Variants in MTMR2 observed in about 807,000 individuals in gnomAD.
MTMR2 encodes phosphatidylinositol-3,5-bisphosphate 3-phosphatase MTMR2.
Under a neutral mutation model 86.9 loss-of-function variants are expected in MTMR2, and 55 were observed. The ratio of observed to expected loss-of-function variants is 0.63; its 90% CI spans 0.51 to 0.79. The LOEUF (loss-of-function observed/expected upper bound fraction) is 0.79. Among genes scored for constraint, MTMR2 ranks in the 30% least tolerant of loss-of-function variants. MTMR2 has a pLI of 0.00. For missense variants in MTMR2, 659 were observed against 772.3 expected (o/e 0.85, Z 1.74); for synonymous variants, 241 against 266.8 (o/e 0.90, Z 0.94).
intron 11 of MTMR2, among the ~76,000 whole-genome samples, chr11:95,842,440 G>T (rs1863585980): frequency 6.6e-6 from 1 of 152,142 alleles, no homozygotes; most frequent in Non-Finnish European, 1.5e-5. Context: ...GCACTAATGT[G>T]TCTTCATCAG....
intron 10 of MTMR2, among the ~76,000 whole-genome samples, chr11:95,845,768 T>G (rs1863761538): frequency 6.6e-6 from 1 of 151,894 alleles, no homozygotes; most frequent in African/African-American, 2.4e-5. Context: ...CTCTTATTTT[T>G]TTAAATATGC....
At chr11:95,909,876 G>C (rs580181) in intron 1 of MTMR2, among the ~76,000 whole-genome samples, 91,982 of 151,858 alleles carry the variant, frequency 0.61, 30,042 homozygotes, top group African/African-American at 0.87. Context: ...AATACAAGAA[G>C]AGAATAGGAA....
intron 2 of MTMR2, 48 bp downstream of exon 2, chr11:95,888,108 A>G (rs1865576557): frequency 1.5e-5 from 20 of 1,367,136 alleles, no homozygotes; most frequent in Non-Finnish European, 2.0e-5. Context: ...TTGGCCACAA[A>G]TATTTAACAG....
intron 9 of MTMR2, 109 bp downstream of exon 9, chr11:95,849,565 C>G: frequency 1.0e-6 from 1 of 994,812 alleles, no homozygotes; most frequent in Non-Finnish European, 1.6e-6. Context: ...AAGACAAGAA[C>G]CTATATGTTT....
chr11:95,860,666 A>G (rs1590995447), intron 5 of MTMR2, among the ~76,000 whole-genome samples: 1 of 152,224 alleles, frequency 6.6e-6, no homozygotes, highest in African/African-American at 2.4e-5. Flanking sequence ...TAGAATCTCA[A>G]TGTGCATGGG....
intron 1 of MTMR2, among the ~76,000 whole-genome samples, chr11:95,910,651 A>T (rs1866466192): frequency 6.6e-6 from 1 of 152,094 alleles, no homozygotes; most frequent in Non-Finnish European, 1.5e-5. Context: ...ATTTTTCTTC[A>T]ATATTCCGTA....
At chr11:95,874,387 G>C (rs557447958) in intron 2 of MTMR2, among the ~76,000 whole-genome samples, 30 of 152,126 alleles carry the variant, frequency 2.0e-4, no homozygotes, top group Non-Finnish European at 4.3e-4. Context: ...TTGGTTTAAA[G>C]TCTGTTTTAT....
At chr11:95,870,928 T>C (rs1032477466) in intron 2 of MTMR2, among the ~76,000 whole-genome samples, 1 of 150,104 alleles carries the variant, frequency 6.7e-6, no homozygotes, top group East Asian at 2.0e-4. Context: ...GATGCTCCCC[T>C]TCCTGTGTCC....
intron 2 of MTMR2, among the ~76,000 whole-genome samples, chr11:95,873,515 C>T (rs190873902): frequency 2.0e-4 from 30 of 150,236 alleles, no homozygotes; most frequent in East Asian, 1.2e-3. Flanking sequence ...TTTGTTCTAG[C>T]GGTCTACCAA....
chr11:95,889,850 G>T (rs541215381), intron 1 of MTMR2, among the ~76,000 whole-genome samples: 1 of 152,226 alleles, frequency 6.6e-6, no homozygotes, highest in South Asian at 2.1e-4. Flanking sequence ...CAAATACTTT[G>T]AATTGGGTGT....
chr11:95,837,548 A>T (rs1455379003), intron 13 of MTMR2, among the ~76,000 whole-genome samples: 1 of 152,062 alleles, frequency 6.6e-6, no homozygotes, highest in Non-Finnish European at 1.5e-5. Flanking sequence ...TCTTAATACC[A>T]ACCCCACTTA....
Position 95,833,543 on chromosome 11 carries a change from C to T in MTMR2, c.*1747G>A, listed in dbSNP as rs1863118638. 6.6e-6 allele frequency: 1 copy of T among 152,086 alleles called. No individual in the cohort carries two copies. The highest frequency in any genetic ancestry group is 2.4e-5 in the African/African-American group (1 of 41,416). The allele number at this position is 152,086 out of a possible 1,614,324, so 9.4% of individuals were successfully genotyped here. ...GTGAGGGGAACCACTGGAAGGTTCT[C>T]AGCAGAGAAGTGGTAGGGTTGCACT... On this transcript the variant is annotated 3_prime_UTR_variant, in exon 15 of 15. Transcript: ENST00000346299.
intron 2 of MTMR2, among the ~76,000 whole-genome samples, chr11:95,885,770 A>T (rs528416901): frequency 6.6e-6 from 1 of 152,084 alleles, no homozygotes; most frequent in East Asian, 1.9e-4. Flanking sequence ...TCCAAAAAGT[A>T]CAGTATGTGG....
At chr11:95,854,614 C>T (rs1864143557) in intron 7 of MTMR2, among the ~76,000 whole-genome samples, 1 of 151,446 alleles carries the variant, frequency 6.6e-6, no homozygotes, top group East Asian at 2.0e-4. Context: ...TTCAGGCATG[C>T]ACCACCATGC....
rs1463891697 is a variant in MTMR2, at chr11:95,834,083, A to C, written c.*1207T>G. The C allele has an allele frequency of 2.0e-5, 3 of 152,568 alleles. No individual in the cohort carries two copies. Among genetic ancestry groups the C allele is most frequent in the Non-Finnish European group, 4.4e-5 (3 of 67,998 alleles). The allele number at this position is 152,568 out of a possible 1,614,324, so 9.5% of individuals were successfully genotyped here. On this transcript the variant is annotated 3_prime_UTR_variant, in exon 15 of 15. Coordinates refer to ENST00000346299, the MANE Select transcript of MTMR2 (RefSeq NM_016156.6). ...AAAAAAGAAATGGCAACTTTGGACAAGAACAAAGTTTAAAAGTCAGTTGGA... is the reference window on the plus strand; with the variant it reads ...AAAAAAGAAATGGCAACTTTGGACACGAACAAAGTTTAAAAGTCAGTTGGA...
At chr11:95,840,246 A>C (rs1863486248) in intron 12 of MTMR2, 1 of 152,198 alleles carries the variant, frequency 6.6e-6, no homozygotes, top group Admixed American at 6.6e-5. Flanking sequence ...AGCAGTACAC[A>C]CAACCATCAA....
At chr11:95,912,087 GTT>G (rs67486618) in intron 1 of MTMR2, among the ~76,000 whole-genome samples, 10,789 of 141,642 alleles carry the variant, frequency 0.076, 464 homozygotes, top group South Asian at 0.13. Context: ...ACACAGGTGG[GTT>G]TTTTTTTTTT....
intron 2 of MTMR2, among the ~76,000 whole-genome samples, chr11:95,872,734 G>A (rs1020994893): frequency 4.4e-4 from 67 of 152,146 alleles, no homozygotes; most frequent in African/African-American, 1.2e-3. Flanking sequence ...CATTCAGTAT[G>A]ATACTGGCTG....
chr11:95,906,732 G>T (rs1226946454), intron 1 of MTMR2, among the ~76,000 whole-genome samples: 1 of 151,582 alleles, frequency 6.6e-6, no homozygotes, highest in East Asian at 1.9e-4. Context: ...ATACTAAGAA[G>T]ATCACTCAAA....
Sources: gnomAD v4.1 joint callset for allele counts (sites outside exome capture counted in the v4.1 genomes callset) on GRCh38, gnomAD v4.1.1 for gene constraint, MANE v1.5 for transcripts, NCBI Gene and HGNC (gene_info 2026-07-23, HGNC 2026-07-21) for gene names.